RGS9: variants seen among roughly 807,000 people sequenced by gnomAD.
The protein encoded by RGS9 is regulator of G-protein signalling 9.
Under a neutral mutation model 102.0 loss-of-function variants are expected in RGS9, and 78 were observed. The observed-to-expected ratio is 0.76, with a 90% CI of 0.64 to 0.92. The LOEUF (loss-of-function observed/expected upper bound fraction) is 0.92. Ranked by LOEUF, RGS9 falls within the 40% of genes least tolerant of loss-of-function variation. RGS9 has a pLI of 0.00. For missense variants in RGS9, 833 were observed against 866.1 expected (o/e 0.96, Z 0.48); for synonymous variants, 353 against 318.6 (o/e 1.11, Z -1.15).
intron 1 of RGS9, among the ~76,000 whole-genome samples, chr17:65,145,888 G>GT (rs397786868): frequency 6.6e-6 from 1 of 151,694 alleles, no homozygotes; most frequent in African/African-American, 2.4e-5. Flanking sequence ...AAAAGGATCG[G>GT]ATCCCAATGG....
Position 65,227,594 on chromosome 17 carries a change from T to C in RGS9, c.*187T>C, listed in dbSNP as rs73994771. ...TGGCTGGTTACCAGGGGCCAACTCC[T>C]TCTCCTCTTCCTGACCCTCCCTCCC... is the stretch of plus-strand genomic sequence containing the variant. On this transcript the variant is annotated 3_prime_UTR_variant, in exon 19 of 19. Transcript: ENST00000262406. The C allele has an allele frequency of 0.022, 16,578 of 749,386 alleles. 1,970 individuals carry two copies. In the African/African-American group the frequency reaches 0.25, roughly 11 times the overall value. The allele number at this position is 749,386 out of a possible 1,614,324, so 46.4% of individuals were successfully genotyped here. A position where few individuals can be genotyped will look rare whatever the true frequency, so the allele number is the denominator to read the frequency against.
At chr17:65,143,375 G>A (rs1017187339) in intron 1 of RGS9, among the ~76,000 whole-genome samples, 1 of 152,182 alleles carries the variant, frequency 6.6e-6, no homozygotes, top group African/African-American at 2.4e-5. Context: ...CCAGGAAGGG[G>A]GTTAGAAGAT....
At chr17:65,138,358 C>CCACTTTTCACACTAA (rs1909994418) in intron 1 of RGS9, among the ~76,000 whole-genome samples, 1 of 152,170 alleles carries the variant, frequency 6.6e-6, no homozygotes, top group African/African-American at 2.4e-5. Flanking sequence ...CTTTTCACAG[C>CCACTTTTCACACTAA]GTAGTGTCCA....
intron 12 of RGS9, among the ~76,000 whole-genome samples, chr17:65,194,557 C>G (rs570845716): frequency 6.6e-6 from 1 of 151,868 alleles, no homozygotes; most frequent in African/African-American, 2.4e-5. Context: ...GGCCCTAAAC[C>G]TGCCCTTTCC....
intron 8 of RGS9, among the ~76,000 whole-genome samples, chr17:65,169,454 T>G (rs1911323239): frequency 6.6e-6 from 1 of 152,156 alleles, no homozygotes; most frequent in Admixed American, 6.5e-5. Context: ...AGAAACTCTT[T>G]GTATGAGAAG....
At position 65,193,516 on chromosome 17, in the gene RGS9, G is replaced by A. The variant is rs865906930; in HGVS notation, c.747-27G>A. The A allele has an allele frequency of 2.0e-6, 3 of 1,463,836 alleles. No individual in the cohort carries two copies. In the Middle Eastern group the frequency reaches 5.2e-4, roughly 253 times the overall value. The allele number at this position is 1,463,836 out of a possible 1,614,324, so 90.7% of individuals were successfully genotyped here. On this transcript the variant is annotated intron_variant, in intron 11 of 18. Transcript: ENST00000262406. Reference sequence around the variant, plus strand: ...TCATATCTTGGGTGTCGAGCTTCTAGGAAATCATTTTCTGTTTCCTTTTCA... The same window carrying A: ...TCATATCTTGGGTGTCGAGCTTCTAAGAAATCATTTTCTGTTTCCTTTTCA...
At chr17:65,218,231 C>G (rs1913583067) in intron 17 of RGS9, among the ~76,000 whole-genome samples, 1 of 152,218 alleles carries the variant, frequency 6.6e-6, no homozygotes, top group Non-Finnish European at 1.5e-5. Flanking sequence ...TTCCCAGCAA[C>G]TTTGTCAATG....
At chr17:65,160,079 A>C (rs998210342) in intron 3 of RGS9, among the ~76,000 whole-genome samples, 154 bp from the exon 4 acceptor site, 2 of 152,226 alleles carry the variant, frequency 1.3e-5, no homozygotes, top group Admixed American at 6.5e-5. Flanking sequence ...GCTTGTCCAC[A>C]GCCAAGTTCA....
chr17:65,217,046 G>C (rs1024784938), intron 17 of RGS9, among the ~76,000 whole-genome samples: 1 of 152,168 alleles, frequency 6.6e-6, no homozygotes, highest in Non-Finnish European at 1.5e-5. Flanking sequence ...GGTGTAAGAG[G>C]AGAGAGAAGA....
At chr17:65,143,769 G>A (rs926623251) in intron 1 of RGS9, among the ~76,000 whole-genome samples, 4 of 148,816 alleles carry the variant, frequency 2.7e-5, no homozygotes, top group Non-Finnish European at 5.9e-5. Context: ...ACTCCAGCCT[G>A]GGCGACAGAG....
intron 1 of RGS9, among the ~76,000 whole-genome samples, chr17:65,139,097 AGCTCTCCCCCC>A: frequency 1.5e-5 from 1 of 65,038 alleles, no homozygotes; most frequent in East Asian, 4.6e-4. Flanking sequence ...CCTCCACCCC[AGCTCTCCCCCC>A]TCCACCCCAC....
intron 1 of RGS9, among the ~76,000 whole-genome samples, chr17:65,141,534 T>C (rs1910157349): frequency 6.6e-6 from 1 of 152,230 alleles, no homozygotes; most frequent in African/African-American, 2.4e-5. Context: ...GTAACATTCT[T>C]TCATTCAATA....
At position 65,204,147 on chromosome 17, in the gene RGS9, C is replaced by T. The variant is rs753418798; in HGVS notation, c.1065-16C>T. 3.0e-5 allele frequency: 48 copies of T among 1,612,168 alleles called. 1 individual carries two copies. The South Asian group carries it at 5.1e-4, about 17-fold the overall frequency. On this transcript the variant is annotated splice_polypyrimidine_tract_variant and intron_variant, in intron 14 of 18. Transcript: ENST00000262406. ...TTGGTTTAGTTACTTTTGCTAACAT[C>T]TCCCTCCCACCCCAGGCTGTTCCTG...
At chr17:65,201,848 A>C in intron 13 of RGS9, 145 bp from the exon 14 acceptor site, 1 of 664,698 alleles carries the variant, frequency 1.5e-6, no homozygotes, top group Non-Finnish European at 2.8e-6. Context: ...CACAATGTGC[A>C]ATAGCTTGTT....
At chr17:65,152,721 G>A (rs1910625930) in intron 1 of RGS9, among the ~76,000 whole-genome samples, 1 of 152,160 alleles carries the variant, frequency 6.6e-6, no homozygotes, top group African/African-American at 2.4e-5. Flanking sequence ...CGTAGAGGCA[G>A]GGTCTCACTA....
intron 11 of RGS9, among the ~76,000 whole-genome samples, chr17:65,191,415 T>G (rs17688887): frequency 0.078 from 11,872 of 151,952 alleles, 576 homozygotes; most frequent in Middle Eastern, 0.14. Flanking sequence ...GCTTCTCCAC[T>G]GGTAAATGTC....
intron 1 of RGS9, among the ~76,000 whole-genome samples, chr17:65,150,022 G>T (rs1205435039): frequency 6.6e-6 from 1 of 152,226 alleles, no homozygotes; most frequent in Middle Eastern, 3.2e-3. Flanking sequence ...GAAGACTAAT[G>T]ATGGTGTAAG....
chr17:65,188,520 G>A (rs1912223511), intron 9 of RGS9, among the ~76,000 whole-genome samples: 1 of 152,186 alleles, frequency 6.6e-6, no homozygotes, highest in African/African-American at 2.4e-5. Context: ...CTTGGGGAAT[G>A]CATCTCACCA....
At chr17:65,163,658 CGTA>C (rs1911070712) in intron 7 of RGS9, among the ~76,000 whole-genome samples, 1 of 152,012 alleles carries the variant, frequency 6.6e-6, no homozygotes. Context: ...CAGAAGGAAT[CGTA>C]GAAATGGCAT....
Sources: gnomAD v4.1 joint callset for allele counts (sites outside exome capture counted in the v4.1 genomes callset) on GRCh38, gnomAD v4.1.1 for gene constraint, MANE v1.5 for transcripts, NCBI Gene and HGNC (gene_info 2026-07-23, HGNC 2026-07-21) for gene names.